SLC30A10: variants seen among roughly 807,000 people sequenced by gnomAD.
The protein encoded by SLC30A10 is calcium/manganese antiporter SLC30A10.
A neutral mutation model predicts 21.7 loss-of-function variants in SLC30A10; 8 were observed. The observed-to-expected ratio is 0.37, with a 90% CI of 0.22 to 0.67. SLC30A10 has a LOEUF of 0.67. SLC30A10 is among the 30% of genes least tolerant of loss of function. The pLI, the probability that SLC30A10 is intolerant of heterozygous loss-of-function variation, is 0.58. For missense variants in SLC30A10, 521 were observed against 642.5 expected (o/e 0.81, Z 2.04); for synonymous variants, 272 against 279.4 (o/e 0.97, Z 0.26).
At chr1:219,930,415 G>A (rs1482294036), upstream of SLC30A10, among the ~76,000 whole-genome samples, 1 of 152,208 alleles carries the variant, frequency 6.6e-6, no homozygotes, top group African/African-American at 2.4e-5. Flanking sequence ...CGAGACTGCA[G>A]TGAGTCGTGG....
chr1:219,943,664 ACAT>A (rs1660148171), intron 1 of SLC30A10, among the ~76,000 whole-genome samples: 1 of 152,242 alleles, frequency 6.6e-6, no homozygotes, highest in Non-Finnish European at 1.5e-5. Flanking sequence ...TTTAAAGTAG[ACAT>A]CATACAAATG....
intron 2 of SLC30A10, among the ~76,000 whole-genome samples, chr1:219,922,180 T>G (rs201366895): frequency 0.5 from 17,078 of 33,860 alleles, 1,616 homozygotes; most frequent in East Asian, 0.55. Context: ...GTGTGTGTTT[T>G]TTTTTTTTTT....
At position 219,915,654 on chromosome 1, in the gene SLC30A10, C is replaced by T; in HGVS notation, c.1253G>A (p.Gly418Glu). 1.2e-6 allele frequency: 2 copies of T among 1,614,246 alleles called. No homozygotes were observed. Residue 418 changes from glycine to glutamate, a missense_variant, in exon 4 of 4, where the codon GGG becomes GAG. Gly to Glu is a moderately conservative substitution (Grantham distance 98). Transcript: ENST00000366926. The part of the protein sequence containing the change: ...GCAKQLCCPP[G>E]ALPLAHVNGC... Reference sequence around the variant, plus strand: ...ATTGACGTGAGCCAGAGGCAGTGCCCCGGGGGGACAACACAGCTGCTTAGC... The same window carrying T: ...ATTGACGTGAGCCAGAGGCAGTGCCTCGGGGGGACAACACAGCTGCTTAGC...
intron 1 of SLC30A10, among the ~76,000 whole-genome samples, chr1:219,940,298 C>T (rs1660104606): frequency 6.6e-6 from 1 of 152,160 alleles, no homozygotes; most frequent in Non-Finnish European, 1.5e-5. Context: ...TGAGACCTTC[C>T]AGCCCGGATG....
chr1:219,957,194 C>T (rs758123354), intron 1 of SLC30A10, among the ~76,000 whole-genome samples: 9 of 152,098 alleles, frequency 5.9e-5, no homozygotes, highest in Non-Finnish European at 1.2e-4. Flanking sequence ...GATTCATTAA[C>T]TCAAATAAAA....
At chr1:219,936,248 T>C (rs890068765) in intron 1 of SLC30A10, among the ~76,000 whole-genome samples, 1 of 152,204 alleles carries the variant, frequency 6.6e-6, no homozygotes, top group African/African-American at 2.4e-5. Flanking sequence ...TTAGTGTATC[T>C]AGTTGATTTG....
intron 1 of SLC30A10, among the ~76,000 whole-genome samples, chr1:219,956,461 C>A (rs1484434764): frequency 6.6e-6 from 1 of 151,632 alleles, no homozygotes; most frequent in Non-Finnish European, 1.5e-5. Flanking sequence ...AACTAGAACA[C>A]TATATAGCAT....
In SLC30A10 at chr1:219,944,924, G is replaced by C. The variant is rs557470130; in HGVS notation, n.80+13644C>G. Among the ~76,000 whole-genome samples, 4 of 152,236 alleles carry C rather than the reference G, an allele frequency of 2.6e-5. No individual in the cohort carries two copies. The South Asian group carries it at 8.3e-4, about 32-fold the overall frequency. On this transcript the variant is annotated intron_variant and non_coding_transcript_variant, in intron 1 of 8. Coordinates refer to the SLC30A10 transcript ENST00000484239. Reference sequence around the variant, plus strand: ...AATTGTCTAAACACACCACTTAAAAGACAGAAAACTGGCAGAGTGGCTAAA... The same window carrying C: ...AATTGTCTAAACACACCACTTAAAACACAGAAAACTGGCAGAGTGGCTAAA...
chr1:219,925,651 A>ATATATATTT (rs1317554458), intron 2 of SLC30A10, among the ~76,000 whole-genome samples: 7 of 48,276 alleles, frequency 1.5e-4, no homozygotes, highest in African/African-American at 7.0e-4. Flanking sequence ...ATATATATAT[A>ATATATATTT]TTTTTTTTTT....
rs1659883159 is a variant in SLC30A10, at chr1:219,927,919, C to T, written c.522G>A (p.Glu174=). ...PGAFGGPQGA[E]DPRRAADPTA... is the part of the protein sequence containing the mutation. Reference sequence around the variant, plus strand: ...TCGGGTCCGCCGCGCGCCGCGGGTCCTCCGCGCCCTGAGGCCCCCCGAAAG... The same window carrying T: ...TCGGGTCCGCCGCGCGCCGCGGGTCTTCCGCGCCCTGAGGCCCCCCGAAAG... Residue 174 remains glutamate (E), a synonymous_variant, in exon 1 of 4, where the codon GAG becomes GAA. Transcript: ENST00000366926. 6.5e-7 allele frequency: 1 copy of T among 1,537,622 alleles called. No homozygotes were observed. The highest frequency in any genetic ancestry group is 8.8e-7 in the Non-Finnish European group (1 of 1,142,024).
Position 219,910,914 on chromosome 1 carries a change from C to T in SLC30A10, c.*4535G>A, listed in dbSNP as rs1302021153. Among the ~76,000 whole-genome samples, 3 of 152,142 alleles carry T rather than the reference C, an allele frequency of 2.0e-5. No individual in the cohort carries two copies. Among genetic ancestry groups the T allele is most frequent in the African/African-American group, 7.2e-5 (3 of 41,436 alleles). On this transcript the variant is annotated 3_prime_UTR_variant, in exon 4 of 4. Transcript: ENST00000366926. The stretch of plus-strand genomic sequence containing the variant: ...TATCTAAACTCCAGATGGGTAAGAA[C>T]ATGCAGATTACATTGAGGATTATCT...
chr1:219,943,297 C>G (rs1434922269), intron 1 of SLC30A10, among the ~76,000 whole-genome samples: 1 of 152,042 alleles, frequency 6.6e-6, no homozygotes, highest in Non-Finnish European at 1.5e-5. Flanking sequence ...AGAAGGTGCC[C>G]CTGCTTCTTC....
upstream of SLC30A10, among the ~76,000 whole-genome samples, chr1:219,932,263 C>T (rs1350816196): frequency 6.6e-6 from 1 of 152,134 alleles, no homozygotes. Context: ...GGGGCGTGAG[C>T]CACTGCTCCT....
In SLC30A10 at chr1:219,912,642, G is replaced by A. The variant is rs1659440520; in HGVS notation, c.*2807C>T. Among the ~76,000 whole-genome samples, 1 of 152,130 alleles carries A rather than the reference G, an allele frequency of 6.6e-6. No homozygotes were observed. The highest frequency in any genetic ancestry group is 1.5e-5 in the Non-Finnish European group (1 of 68,038). ...AAGGTCAGGAGATCGAGACCATCCT[G>A]GCTAACATGGTGAAACCCGGTCTCT... is the stretch of plus-strand genomic sequence containing the variant. On this transcript the variant is annotated 3_prime_UTR_variant, in exon 4 of 4. Transcript: ENST00000366926.
At chr1:219,949,967 A>T (rs1660246221) in intron 1 of SLC30A10, among the ~76,000 whole-genome samples, 1 of 152,122 alleles carries the variant, frequency 6.6e-6, no homozygotes, top group Non-Finnish European at 1.5e-5. Flanking sequence ...GCTTACTTTC[A>T]CCCTACCTTC....
chr1:219,937,727 C>T (rs1437878848), intron 1 of SLC30A10, among the ~76,000 whole-genome samples: 1 of 152,202 alleles, frequency 6.6e-6, no homozygotes, highest in African/African-American at 2.4e-5. Context: ...GCACAAGAAT[C>T]GCTTGAACCT....
chr1:219,922,008 C>T (rs1386602658), intron 2 of SLC30A10, among the ~76,000 whole-genome samples: 1 of 151,604 alleles, frequency 6.6e-6, no homozygotes, highest in Non-Finnish European at 1.5e-5. Flanking sequence ...GGCTGGAGTA[C>T]AGTGGCACAA....
rs533208533 is a variant in SLC30A10, at chr1:219,951,506, G to A, written n.80+7062C>T. Among the ~76,000 whole-genome samples the A allele has an allele frequency of 3.2e-3, 490 of 151,544 alleles. 1 individual carries two copies. The highest frequency in any genetic ancestry group is 2.7e-3 in the Non-Finnish European group (182 of 67,846). On this transcript the variant is annotated intron_variant and non_coding_transcript_variant, in intron 1 of 8. Coordinates refer to the SLC30A10 transcript ENST00000484239. ...GGAGGCCGAGGCGTGTGGATCACGAGGTCAGGAGATCGAGACCATCCTGGC... is the reference window on the plus strand; with the variant it reads ...GGAGGCCGAGGCGTGTGGATCACGAAGTCAGGAGATCGAGACCATCCTGGC...
rs139117591 is a variant in SLC30A10, at chr1:219,942,339, C to T, written n.81-15234G>A. ...ATGTTATAAGAGACAAAACTGAGATCGATGCGAGATGGAGAGTTGGACCAG... is the reference window on the plus strand; with the variant it reads ...ATGTTATAAGAGACAAAACTGAGATTGATGCGAGATGGAGAGTTGGACCAG... On this transcript the variant is annotated intron_variant and non_coding_transcript_variant, in intron 1 of 8. Transcript: ENST00000484239. Among the ~76,000 whole-genome samples the T allele has an allele frequency of 3.0e-3, 460 of 152,236 alleles. 4 individuals are homozygous for T. Among genetic ancestry groups the T allele is most frequent in the African/African-American group, 0.011 (445 of 41,524 alleles).
Sources: allele counts gnomAD v4.1 joint callset (sites outside exome capture counted in the v4.1 genomes callset), GRCh38; gene constraint gnomAD v4.1.1; transcripts MANE v1.5; gene names NCBI Gene and HGNC (gene_info 2026-07-23, HGNC 2026-07-21).